The following MASP1 variants were observed in gnomAD, a reference collection of about 807,000 sequenced individuals.
MASP1 encodes mannan-binding lectin serine protease 1.
A neutral mutation model predicts 77.1 loss-of-function variants in MASP1; 59 were observed. The observed-to-expected ratio is 0.77, with a 90% confidence interval of 0.62 to 0.95. MASP1 has a LOEUF of 0.95. Ranked by LOEUF, MASP1 falls within the 40% of genes least tolerant of loss-of-function variation. MASP1 has a pLI of 0.00. For missense variants in MASP1, 885 were observed against 912.9 expected, an observed-to-expected ratio of 0.97 and a Z score of 0.39; for synonymous variants, 362 against 354.5, an observed-to-expected ratio of 1.02 and a Z score of -0.24.
At chr3:187,247,411 G>A in intron 8 of MASP1, 1 of 1,613,930 alleles carries the variant, frequency 6.2e-7, no homozygotes, top group Non-Finnish European at 8.5e-7. Flanking sequence ...AGATCAAAGA[G>A]GGATCAAGAG....
chr3:187,273,755 G>T (rs1425131123), intron 2 of MASP1, among the ~76,000 whole-genome samples: 1 of 152,202 alleles, frequency 6.6e-6, no homozygotes, highest in Non-Finnish European at 1.5e-5. Context: ...GAGGCATCTG[G>T]TATGTGTTTG....
exon 16 of MASP1, chr3:187,218,595 A>T (rs1473259269): frequency 6.6e-6 from 1 of 152,218 alleles, no homozygotes; most frequent in Non-Finnish European, 1.5e-5. Flanking sequence ...CTTAATATAT[A>T]TATATATATG....
chr3:187,220,406 C>G, intron 15 of MASP1: 1 of 653,358 alleles, frequency 1.5e-6, no homozygotes, highest in East Asian at 2.7e-5. Flanking sequence ...CTGGGCAGTT[C>G]TAGGTCAGGC....
intron 2 of MASP1, among the ~76,000 whole-genome samples, chr3:187,276,136 A>G (rs1255050501): frequency 5.0e-4 from 4 of 8,058 alleles, no homozygotes; most frequent in Non-Finnish European, 2.8e-3. Context: ...AGAAAGCCAC[A>G]TGGCTAACCT....
At chr3:187,228,487 C>A (rs1712568828) in intron 11 of MASP1, among the ~76,000 whole-genome samples, 1 of 152,150 alleles carries the variant, frequency 6.6e-6, no homozygotes, top group African/African-American at 2.4e-5. Context: ...TCCCTCCTTC[C>A]CTGGCTTCTT....
chr3:187,269,937 A>AACGGC (rs3053689), intron 2 of MASP1, among the ~76,000 whole-genome samples: 41,903 of 151,990 alleles, frequency 0.28, 6,779 homozygotes, highest in Admixed American at 0.4. Context: ...TTCAAGCCTG[A>AACGGC]ACGGCTAATG....
At chr3:187,221,005 C>A in intron 15 of MASP1, 1 of 1,569,304 alleles carries the variant, frequency 6.4e-7, no homozygotes, top group Non-Finnish European at 8.8e-7. Context: ...GCTGGCAGCG[C>A]CCCTGTTGTA....
chr3:187,281,999 T>C (rs72549273), intron 2 of MASP1, among the ~76,000 whole-genome samples: 20 of 152,308 alleles, frequency 1.3e-4, no homozygotes, highest in African/African-American at 4.8e-4. Context: ...CTTCTGGGTT[T>C]GGGATTTCAG....
At chr3:187,266,933 C>T (rs534417892) in intron 2 of MASP1, among the ~76,000 whole-genome samples, 22 of 152,350 alleles carry the variant, frequency 1.4e-4, no homozygotes, top group Middle Eastern at 6.8e-3. Flanking sequence ...GCTACTCTCG[C>T]TATGTATGGC....
At chr3:187,251,427 A>C in intron 7 of MASP1, 1 of 566,760 alleles carries the variant, frequency 1.8e-6, no homozygotes, top group South Asian at 2.1e-5. Flanking sequence ...AAAAAAAAAA[A>C]ACAAACTTTT....
intron 8 of MASP1, chr3:187,246,733 A>G (rs2108530787): frequency 1.0e-6 from 1 of 982,024 alleles, no homozygotes; most frequent in South Asian, 4.6e-5. Context: ...TAAGCCCCAG[A>G]AGACAGAACC....
intron 14 of MASP1, among the ~76,000 whole-genome samples, chr3:187,222,662 C>T (rs1340069814): frequency 6.6e-6 from 1 of 150,990 alleles, no homozygotes; most frequent in African/African-American, 2.4e-5. Context: ...AACTATGGCT[C>T]CTTACTTTTA....
rs538326392 is a variant in MASP1 at position 187,236,662 on chromosome 3, C to T, written c.1304-95G>A. ...CAAAGATAAATTCACATTTCACCCA[C>T]TATAGATTATGCCACCATGGGACCC... On this transcript the variant is annotated intron_variant, in intron 10 of 10. Coordinates refer to ENST00000296280, the MANE Select transcript of MASP1 (RefSeq NM_139125.4). The T allele has an allele frequency of 2.5e-6, 4 of 1,607,736 alleles. No individual in the cohort carries two copies. The African/African-American group carries it at 5.3e-5, about 21-fold the overall frequency.
Position 187,289,823 on chromosome 3 carries a change from G to A in MASP1, c.5+1805C>T, listed in dbSNP as rs567269769. ...TTTCATGATCATCAGTGTGGTTTGG[G>A]CAAGTTGCTTAACTGCTTTTATACC... On this transcript the variant is annotated intron_variant, in intron 1 of 10. Transcript: ENST00000296280. Among the ~76,000 whole-genome samples, 3 of 152,298 alleles carry A rather than the reference G, an allele frequency of 2.0e-5. No homozygotes were observed. In the South Asian group the frequency reaches 6.2e-4, roughly 32 times the overall value.
At chr3:187,285,553 A>G (rs912340981) in intron 2 of MASP1, among the ~76,000 whole-genome samples, 15 of 151,984 alleles carry the variant, frequency 9.9e-5, no homozygotes, top group African/African-American at 3.6e-4. Context: ...AGAGGCTGGT[A>G]GAAACACTAA....
At chr3:187,290,123 T>C (rs1718190666) in intron 1 of MASP1, among the ~76,000 whole-genome samples, 1 of 151,966 alleles carries the variant, frequency 6.6e-6, no homozygotes, top group Non-Finnish European at 1.5e-5. Flanking sequence ...ACTTAAGGAG[T>C]GCTGAGACTT....
chr3:187,249,043 C>T (rs1255631278), intron 8 of MASP1, among the ~76,000 whole-genome samples: 2 of 151,998 alleles, frequency 1.3e-5, no homozygotes, highest in East Asian at 3.9e-4. Context: ...AACTCTAATT[C>T]GTTTTTGTTT....
chr3:187,231,146 G>A (rs1219801218), downstream of MASP1, among the ~76,000 whole-genome samples: 1 of 152,204 alleles, frequency 6.6e-6, no homozygotes, highest in Non-Finnish European at 1.5e-5. Context: ...CACTGAATGG[G>A]AACCATCCTC....
intron 2 of MASP1, among the ~76,000 whole-genome samples, chr3:187,279,610 C>T (rs1288373981): frequency 6.6e-6 from 1 of 152,186 alleles, no homozygotes; most frequent in Non-Finnish European, 1.5e-5. Context: ...TCAGTTGACC[C>T]TCAGATAACC....
Sources: allele counts gnomAD v4.1 joint callset (sites outside exome capture counted in the v4.1 genomes callset), GRCh38; gene constraint gnomAD v4.1.1; transcripts MANE v1.5; gene names NCBI Gene and HGNC (gene_info 2026-07-23, HGNC 2026-07-21).